The following SLC35F4 variants were observed in gnomAD, a reference collection of about 807,000 sequenced individuals.
SLC35F4 encodes solute carrier family 35 member F4, also known as chromosome 14 open reading frame 36.
In SLC35F4, 24 loss-of-function variants were observed where a neutral mutation model predicts 44.2. The ratio of observed to expected loss-of-function variants is 0.54; its 90% CI spans 0.39 to 0.76. The LOEUF (loss-of-function observed/expected upper bound fraction) is 0.76. Among genes scored for constraint, SLC35F4 ranks in the 30% least tolerant of loss-of-function variants. The pLI is 0.00. For missense variants in SLC35F4, 562 were observed against 586.1 expected (o/e 0.96, Z 0.42); for synonymous variants, 238 against 223.6 (o/e 1.06, Z -0.57).
chr14:57,914,610 C>T (rs1047247775), intron 1 of SLC35F4, among the ~76,000 whole-genome samples: 1 of 152,110 alleles, frequency 6.6e-6, no homozygotes, highest in African/African-American at 2.4e-5. Context: ...TAACCCACTC[C>T]AGCAATAATG....
intron 1 of SLC35F4, among the ~76,000 whole-genome samples, chr14:57,913,763 T>G: frequency 6.6e-6 from 1 of 152,242 alleles, no homozygotes; most frequent in East Asian, 1.9e-4. Flanking sequence ...ATGTATTCAT[T>G]CTCCAATGTT....
At chr14:57,885,140 TC>T (rs1288621029) in intron 1 of SLC35F4, among the ~76,000 whole-genome samples, 2 of 152,152 alleles carry the variant, frequency 1.3e-5, no homozygotes, top group Non-Finnish European at 2.9e-5. Context: ...ACTTTACAAT[TC>T]CTTTCTCTTT....
chr14:57,803,571 A>C, intron 1 of SLC35F4, among the ~76,000 whole-genome samples: 1 of 149,834 alleles, frequency 6.7e-6, no homozygotes, highest in Non-Finnish European at 1.5e-5. Context: ...GTCTCAGCCC[A>C]AAAGCTTCTT....
At chr14:57,706,511 T>C (rs1312848937) in intron 1 of SLC35F4, among the ~76,000 whole-genome samples, 5 of 152,106 alleles carry the variant, frequency 3.3e-5, no homozygotes, top group Non-Finnish European at 5.9e-5. Flanking sequence ...GATCATGCAG[T>C]GTGACTTAAG....
chr14:57,902,134 A>G (rs1217184097), intron 1 of SLC35F4, among the ~76,000 whole-genome samples: 1 of 152,198 alleles, frequency 6.6e-6, no homozygotes, highest in Non-Finnish European at 1.5e-5. Flanking sequence ...AAATCAAAAC[A>G]TGCCATCCAA....
chr14:57,711,111 T>A (rs1029045784), intron 1 of SLC35F4, among the ~76,000 whole-genome samples: 2 of 152,082 alleles, frequency 1.3e-5, no homozygotes, highest in Non-Finnish European at 2.9e-5. Flanking sequence ...AGGTACCCAG[T>A]GGGTAGTGAT....
Position 57,564,139 on chromosome 14 carries a change from G to C in SLC35F4, c.1454C>G (p.Ala485Gly). 6.2e-7 allele frequency: 1 copy of C among 1,613,458 alleles called. No homozygotes were observed. Among genetic ancestry groups the C allele is most frequent in the Non-Finnish European group, 8.5e-7 (1 of 1,179,682 alleles). Residue 485 changes from alanine to glycine, a missense_variant, in exon 8 of 8, where the codon GCT (alanine) becomes GGT (glycine). Transcript: ENST00000556826. ...RANGTVSIPLA is the reference protein window; with the variant it reads ...RANGTVSIPLG The stretch of plus-strand genomic sequence containing the variant: ...GCATTCAAAATATGTCCCTCTCTAA[G>C]CCAGTGGTATAGACACTGTCCCATT...
At position 57,966,805 on chromosome 14, in the gene SLC35F4, C is replaced by T. The variant is rs557111878; in HGVS notation, n.282+15108G>A. On this transcript the variant is annotated intron_variant and non_coding_transcript_variant, in intron 1 of 1. Coordinates refer to the SLC35F4 transcript ENST00000556568. ...CAGGTGGATCACCTGAAGTCAGGAG[C>T]TCGAGACCAGCCTGGCCAACATGGC... Among the ~76,000 whole-genome samples, 3 of 152,114 alleles carry T rather than the reference C, an allele frequency of 2.0e-5. No homozygotes were observed. The South Asian group carries it at 6.2e-4, about 32-fold the overall frequency.
At chr14:57,826,747 T>A in intron 1 of SLC35F4, among the ~76,000 whole-genome samples, 1 of 150,906 alleles carries the variant, frequency 6.6e-6, no homozygotes, top group East Asian at 1.9e-4. Flanking sequence ...CCAGCAAACA[T>A]GTGAAAAAAA....
intron 3 of SLC35F4, among the ~76,000 whole-genome samples, chr14:57,583,289 G>A (rs1372793107): frequency 1.3e-5 from 2 of 152,200 alleles, no homozygotes; most frequent in East Asian, 3.8e-4. Context: ...CTTATAAGGC[G>A]ATCTGCTCCG....
At chr14:57,745,307 A>T (rs930126705) in intron 1 of SLC35F4, among the ~76,000 whole-genome samples, 14 of 152,240 alleles carry the variant, frequency 9.2e-5, no homozygotes, top group Middle Eastern at 3.4e-3. Flanking sequence ...ACCTACAGAA[A>T]GGGAGAAAAT....
intron 1 of SLC35F4, among the ~76,000 whole-genome samples, chr14:57,966,537 A>C: frequency 6.6e-6 from 1 of 152,248 alleles, no homozygotes; most frequent in East Asian, 1.9e-4. Context: ...ACAGTATAAA[A>C]GGAATATAAT....
chr14:57,821,933 G>A (rs980452371), intron 1 of SLC35F4, among the ~76,000 whole-genome samples: 1 of 152,234 alleles, frequency 6.6e-6, no homozygotes, highest in African/African-American at 2.4e-5. Flanking sequence ...AGGCACCTAA[G>A]GAGGTGCCCA....
At chr14:57,684,640 G>A (rs1253517342) in intron 1 of SLC35F4, among the ~76,000 whole-genome samples, 2 of 152,206 alleles carry the variant, frequency 1.3e-5, no homozygotes, top group Non-Finnish European at 1.5e-5. Context: ...GAGCCTGGGG[G>A]TTTGGAACCT....
intron 1 of SLC35F4, among the ~76,000 whole-genome samples, chr14:57,889,373 A>G (rs808221): frequency 0.16 from 24,716 of 152,268 alleles, 2,104 homozygotes; most frequent in South Asian, 0.22. Flanking sequence ...AGACACTTGA[A>G]GTACTCCTTA....
intron 1 of SLC35F4, among the ~76,000 whole-genome samples, chr14:57,916,345 A>G (rs1594622874): frequency 6.6e-6 from 1 of 152,316 alleles, no homozygotes; most frequent in East Asian, 1.9e-4. Context: ...TAAATTTCAA[A>G]TGAGTTTTGG....
intron 1 of SLC35F4, among the ~76,000 whole-genome samples, chr14:57,980,976 G>A (rs1366687649): frequency 1.3e-5 from 2 of 151,926 alleles, no homozygotes; most frequent in Non-Finnish European, 2.9e-5. Context: ...AAACCAATAG[G>A]GAAGGATTCT....
chr14:57,872,995 C>T (rs1888326151), intron 1 of SLC35F4, among the ~76,000 whole-genome samples: 1 of 152,152 alleles, frequency 6.6e-6, no homozygotes, highest in South Asian at 2.1e-4. Flanking sequence ...GAATGGGAAG[C>T]CAAGTGGAGA....
chr14:57,711,982 C>A (rs1285943265), intron 1 of SLC35F4, among the ~76,000 whole-genome samples: 3 of 152,094 alleles, frequency 2.0e-5, no homozygotes, highest in Admixed American at 2.0e-4. Flanking sequence ...AGTAAGAATC[C>A]AGGTTTCTCA....
Sources: gnomAD v4.1 joint callset for allele counts (sites outside exome capture counted in the v4.1 genomes callset) on GRCh38, gnomAD v4.1.1 for gene constraint, MANE v1.5 for transcripts, NCBI Gene and HGNC (gene_info 2026-07-23, HGNC 2026-07-21) for gene names.